Variants in RPF2 observed in about 807,000 individuals in gnomAD.
The protein encoded by RPF2 is ribosome production factor 2 homolog.
In RPF2, 21 loss-of-function variants were observed where a neutral mutation model predicts 38.9. The ratio of observed to expected loss-of-function variants is 0.54; its 90% CI spans 0.38 to 0.78. RPF2 has a LOEUF of 0.78. Ranked by LOEUF, RPF2 falls within the 30% of genes least tolerant of loss-of-function variation. The pLI, the probability that RPF2 is intolerant of heterozygous loss-of-function variation, is 0.00. For missense variants in RPF2, 314 were observed against 358.1 expected (o/e 0.88, Z 0.99); for synonymous variants, 121 against 126.2 (o/e 0.96, Z 0.28).
chr6:111,016,593 GAAAAAAC>G (rs796795042), intron 8 of RPF2, among the ~76,000 whole-genome samples: 29 of 141,356 alleles, frequency 2.1e-4, no homozygotes, highest in African/African-American at 7.2e-4. Flanking sequence ...TGAGGGCGCT[GAAAAAAC>G]AAAAAACAAA....
intron 1 of RPF2, among the ~76,000 whole-genome samples, chr6:110,983,826 G>A (rs1173965367): frequency 2.0e-5 from 3 of 151,832 alleles, no homozygotes; most frequent in Non-Finnish European, 4.4e-5. Context: ...TCAGGAGATC[G>A]AGACCATCCT....
At chr6:111,007,102 C>A (rs1008420332) in intron 6 of RPF2, among the ~76,000 whole-genome samples, 4 of 152,052 alleles carry the variant, frequency 2.6e-5, no homozygotes, top group African/African-American at 9.7e-5. Flanking sequence ...TGGTCTTGAA[C>A]TCACTCCTGG....
chr6:111,006,159 G>A (rs1562371621), intron 6 of RPF2, among the ~76,000 whole-genome samples: 3 of 151,862 alleles, frequency 2.0e-5, no homozygotes, highest in Non-Finnish European at 4.4e-5. Flanking sequence ...TCAAACTCCT[G>A]GGCTCAAGCG....
rs547590719 is a variant in RPF2, at chr6:111,027,807, T to C, written c.*2225T>C. On this transcript the variant is annotated 3_prime_UTR_variant, in exon 10 of 10. Coordinates refer to ENST00000441448, the MANE Select transcript of RPF2 (RefSeq NM_032194.3). Reference sequence around the variant, plus strand: ...TGCTGATAGAAGTACCAAATAGTATTATTGAAGTCTAACAAAGACTTTTTG... The same window carrying C: ...TGCTGATAGAAGTACCAAATAGTATCATTGAAGTCTAACAAAGACTTTTTG... 3.9e-5 allele frequency: 6 copies of C among 152,342 alleles called. No homozygotes were observed. In the East Asian group the frequency reaches 1.2e-3, roughly 29 times the overall value. 9.4% of individuals were successfully genotyped at this position (152,342 alleles called of 1,614,324 possible).
chr6:110,991,935 T>G, intron 4 of RPF2, 149 bp downstream of exon 4: 1 of 340,558 alleles, frequency 2.9e-6, no homozygotes, highest in Non-Finnish European at 5.6e-6. Context: ...GGAAATACTT[T>G]AAAAAATATC....
At chr6:111,006,933 C>G (rs6910812) in intron 6 of RPF2, among the ~76,000 whole-genome samples, 19,664 of 152,004 alleles carry the variant, frequency 0.13, 1,755 homozygotes, top group East Asian at 0.5. Context: ...ATTAGCCAGG[C>G]GTGGTGGCAC....
chr6:111,025,765 C>T lies in RPF2; in HGVS notation c.*183C>T. 2.3e-6 allele frequency: 1 copy of T among 428,466 alleles called. No homozygotes were observed. The highest frequency in any genetic ancestry group is 4.0e-6 in the Non-Finnish European group (1 of 247,742). The allele number at this position is 428,466 out of a possible 1,614,324, so 26.5% of individuals were successfully genotyped here. A position where few individuals can be genotyped will look rare whatever the true frequency, so the allele number is the denominator to read the frequency against. ...TGTAAAGTAAGCCTTTTATTTGAGA[C>T]ATTACACCCTGGTGTGCCATTTTCT... On this transcript the variant is annotated 3_prime_UTR_variant, in exon 10 of 10. Coordinates refer to ENST00000441448, the MANE Select transcript of RPF2 (RefSeq NM_032194.3).
intron 8 of RPF2, among the ~76,000 whole-genome samples, chr6:111,023,974 G>A (rs574004434): frequency 7.3e-5 from 11 of 150,444 alleles, no homozygotes; most frequent in African/African-American, 1.2e-4. Flanking sequence ...GGGACAGAGC[G>A]AGACTCCGTC....
chr6:110,987,530 A>G (rs9372284), intron 2 of RPF2, among the ~76,000 whole-genome samples: 35,865 of 152,036 alleles, frequency 0.24, 4,838 homozygotes, highest in East Asian at 0.65. Flanking sequence ...ATGACCCTGC[A>G]TATTTAAGTA....
chr6:110,991,929 A>G (rs1771627320), intron 4 of RPF2, 143 bp downstream of exon 4: 1 of 342,992 alleles, frequency 2.9e-6, no homozygotes, highest in Non-Finnish European at 5.5e-6. Flanking sequence ...TGGAGAGGAA[A>G]TACTTTAAAA....
intron 2 of RPF2, among the ~76,000 whole-genome samples, chr6:110,986,403 T>C (rs1771526693): frequency 6.6e-6 from 1 of 151,994 alleles, no homozygotes; most frequent in Admixed American, 6.6e-5. Flanking sequence ...AGAATAGATG[T>C]TGAGGAAAGA....
intron 6 of RPF2, among the ~76,000 whole-genome samples, chr6:111,007,672 C>T (rs1210013065): frequency 6.6e-6 from 1 of 152,162 alleles, no homozygotes; most frequent in Non-Finnish European, 1.5e-5. Flanking sequence ...AGGCCAGGCA[C>T]AGTGGCTCTC....
At chr6:111,012,070 C>CTT (rs35304628) in intron 7 of RPF2, among the ~76,000 whole-genome samples, 1,481 of 133,398 alleles carry the variant, frequency 0.011, 27 homozygotes, top group African/African-American at 0.039. Context: ...TAGGAAGTTC[C>CTT]TTTTTTTTTT....
chr6:111,018,262 T>G (rs1239538385), intron 8 of RPF2, among the ~76,000 whole-genome samples: 2 of 152,098 alleles, frequency 1.3e-5, no homozygotes, highest in African/African-American at 4.8e-5. Flanking sequence ...GTTCTTGAGA[T>G]AAGTGTGTGA....
intron 8 of RPF2, among the ~76,000 whole-genome samples, chr6:111,023,644 T>C (rs191322193): frequency 4.0e-5 from 6 of 151,682 alleles, no homozygotes; most frequent in African/African-American, 1.5e-4. Flanking sequence ...AAAAAAAAAA[T>C]TTTTAATTTG....
intron 9 of RPF2, among the ~76,000 whole-genome samples, chr6:111,025,037 T>C (rs915450031): frequency 1.6e-4 from 25 of 152,232 alleles, no homozygotes; most frequent in African/African-American, 6.0e-4. Flanking sequence ...AAAATGCCAA[T>C]AGAAATTGAA....
chr6:111,011,613 T>C (rs1772016557), intron 7 of RPF2, among the ~76,000 whole-genome samples: 3 of 152,148 alleles, frequency 2.0e-5, no homozygotes, highest in Admixed American at 1.3e-4. Flanking sequence ...AGCCAAAATG[T>C]CAGCCAGATT....
chr6:111,016,215 A>G (rs867025282), intron 8 of RPF2, among the ~76,000 whole-genome samples: 1 of 152,188 alleles, frequency 6.6e-6, no homozygotes, highest in African/African-American at 2.4e-5. Context: ...TTGAGTCTAA[A>G]AGGAATAAGA....
intron 7 of RPF2, among the ~76,000 whole-genome samples, chr6:111,008,548 C>A (rs1771957149): frequency 6.6e-6 from 1 of 151,960 alleles, no homozygotes; most frequent in Non-Finnish European, 1.5e-5. Context: ...TTATAAAATT[C>A]CTGCACCCAT....
Sources: gnomAD v4.1 joint callset for allele counts (sites outside exome capture counted in the v4.1 genomes callset) on GRCh38, gnomAD v4.1.1 for gene constraint, MANE v1.5 for transcripts, NCBI Gene and HGNC (gene_info 2026-07-23, HGNC 2026-07-21) for gene names.